Variants in NAA35 observed in about 807,000 individuals in gnomAD.
NAA35 encodes the protein N-alpha-acetyltransferase 35, NatC auxiliary subunit.
NAA35 carries 18 observed loss-of-function variants against 101.7 expected under a neutral mutation model. That is an observed-to-expected ratio of 0.18 (90% CI 0.12 to 0.26). The LOEUF is 0.26. Among genes scored for constraint, NAA35 ranks in the 10% least tolerant of loss-of-function variants. The pLI is 1.00. For synonymous variants in NAA35, 267 were observed against 273.1 expected, an observed-to-expected ratio of 0.98 and a Z score of 0.22; for missense variants, 601 against 886.8, an observed-to-expected ratio of 0.68 and a Z score of 4.09.
At chr9:86,003,665 A>C (rs145487613) in intron 13 of NAA35, 21 bp downstream of exon 13, 305 of 1,452,854 alleles carry the variant, frequency 2.1e-4, no homozygotes, top group Non-Finnish European at 2.7e-4. Context: ...CTTAGTATCA[A>C]AATACTTATT....
intron 13 of NAA35, among the ~76,000 whole-genome samples, chr9:86,006,824 T>C (rs1207385831): frequency 1.3e-5 from 2 of 152,114 alleles, no homozygotes; most frequent in Non-Finnish European, 2.9e-5. Context: ...TTAAAAACAG[T>C]CTTAGGAAAT....
At chr9:86,007,100 GTTTAT>G (rs1340580374) in intron 13 of NAA35, among the ~76,000 whole-genome samples, 1 of 152,050 alleles carries the variant, frequency 6.6e-6, no homozygotes, top group African/African-American at 2.4e-5. Context: ...AGATTAGTCA[GTTTAT>G]TTTGACTATT....
chr9:85,999,076 T>G (rs908244188), intron 12 of NAA35, among the ~76,000 whole-genome samples: 3 of 152,250 alleles, frequency 2.0e-5, no homozygotes, highest in African/African-American at 7.2e-5. Flanking sequence ...CTTTCACTGA[T>G]TATGCCTTTA....
At chr9:86,000,677 T>C (rs1285780141) in intron 12 of NAA35, among the ~76,000 whole-genome samples, 1 of 152,186 alleles carries the variant, frequency 6.6e-6, no homozygotes, top group Non-Finnish European at 1.5e-5. Flanking sequence ...TTTTCTAGTT[T>C]GTATGTGTAG....
chr9:86,001,618 T>C (rs1405825361), intron 12 of NAA35, among the ~76,000 whole-genome samples: 2 of 152,222 alleles, frequency 1.3e-5, no homozygotes, highest in Non-Finnish European at 2.9e-5. Flanking sequence ...TTTACCCTTA[T>C]GTAATACCCT....
intron 6 of NAA35, chr9:85,966,647 G>A (rs983308833): frequency 3.9e-6 from 5 of 1,297,210 alleles, no homozygotes; most frequent in Non-Finnish European, 5.1e-6. Flanking sequence ...TTTTAAAAAT[G>A]AAAATGTTCA....
intron 11 of NAA35, among the ~76,000 whole-genome samples, chr9:85,984,644 G>A (rs1021348203): frequency 6.6e-6 from 1 of 152,132 alleles, no homozygotes; most frequent in Non-Finnish European, 1.5e-5. Context: ...CAAAGCTATA[G>A]CAATGAAGAC....
chr9:85,975,067 T>C, intron 7 of NAA35, 34 bp downstream of exon 7: 1 of 1,611,776 alleles, frequency 6.2e-7, no homozygotes, highest in East Asian at 2.2e-5. Context: ...TCACAAGTTT[T>C]ACATTTTCAT....
intron 17 of NAA35, chr9:86,014,355 A>G (rs536967629): frequency 3.3e-5 from 32 of 981,596 alleles, no homozygotes; most frequent in Non-Finnish European, 3.8e-5. Flanking sequence ...TGGAGTTGAT[A>G]AAAGATGATC....
intron 21 of NAA35, among the ~76,000 whole-genome samples, chr9:86,020,635 C>T (rs1433586688): frequency 2.6e-5 from 4 of 152,084 alleles, no homozygotes; most frequent in South Asian, 2.1e-4. Flanking sequence ...CTTGAACCCA[C>T]GAGTTCAAGA....
intron 12 of NAA35, among the ~76,000 whole-genome samples, chr9:85,996,812 T>C (rs938460017): frequency 6.6e-6 from 1 of 152,242 alleles, no homozygotes. Context: ...TTTTACACTA[T>C]TTTAGAGATT....
rs1299158701 is a variant in NAA35 at position 86,017,459 on chromosome 9, A to G, written c.1706-39A>G. On this transcript the variant is annotated intron_variant, in intron 18 of 22. Transcript: ENST00000361671. Reference sequence around the variant, plus strand: ...TGCAGTAATGCAAGAGGGAGGAGGAAAAGATTATGGAAGATTACGTTTTTC... The same window carrying G: ...TGCAGTAATGCAAGAGGGAGGAGGAGAAGATTATGGAAGATTACGTTTTTC... 3 of 1,590,018 alleles carry G rather than the reference A, an allele frequency of 1.9e-6. No homozygotes were observed. The South Asian group carries it at 3.4e-5, about 18-fold the overall frequency.
intron 16 of NAA35, among the ~76,000 whole-genome samples, chr9:86,013,377 G>T (rs571493074): frequency 1.3e-5 from 2 of 152,050 alleles, no homozygotes; most frequent in Admixed American, 1.3e-4. Flanking sequence ...TATGAAATAT[G>T]TATAAAATGA....
chr9:85,977,907 T>A (rs927883590), intron 10 of NAA35, among the ~76,000 whole-genome samples: 1 of 152,128 alleles, frequency 6.6e-6, no homozygotes, highest in Non-Finnish European at 1.5e-5. Flanking sequence ...TACCACTAAT[T>A]TAATTTCTGT....
At chr9:85,956,306 A>G (rs532973324) in intron 2 of NAA35, 54 bp from the exon 3 acceptor site, 6 of 1,094,456 alleles carry the variant, frequency 5.5e-6, no homozygotes, top group Non-Finnish European at 7.8e-6. Flanking sequence ...TTTTTCTTAG[A>G]ATTAAAAGTT....
At chr9:85,987,537 T>C (rs567710847) in intron 11 of NAA35, among the ~76,000 whole-genome samples, 69 of 152,356 alleles carry the variant, frequency 4.5e-4, no homozygotes, top group Admixed American at 7.8e-4. Flanking sequence ...GTTTATTCTT[T>C]TAGTTCAAAA....
At position 86,024,821 on chromosome 9, in the gene NAA35, G is replaced by A. The variant is rs1477148249; in HGVS notation, c.*2861G>A. On this transcript the variant is annotated 3_prime_UTR_variant, in exon 23 of 23. Transcript: ENST00000361671. ...TGGCAGGTAGTTTGGTCTCAAACTG[G>A]GAGGTGCCATCTGGGGTGGAGATGA... is the stretch of plus-strand genomic sequence containing the variant. Among the ~76,000 whole-genome samples, 1 of 152,110 alleles carries A rather than the reference G, an allele frequency of 6.6e-6. No individual in the cohort carries two copies. The highest frequency in any genetic ancestry group is 1.5e-5 in the Non-Finnish European group (1 of 68,008).
intron 11 of NAA35, chr9:85,986,472 G>C (rs1479053404): frequency 2.1e-6 from 1 of 469,692 alleles, no homozygotes; most frequent in African/African-American, 2.0e-5. Flanking sequence ...CTCCTTTTCA[G>C]GTCTCTGACA....
chr9:86,009,670 T>A (rs1831812015), intron 14 of NAA35, among the ~76,000 whole-genome samples, 195 bp from the exon 15 acceptor site: 1 of 152,216 alleles, frequency 6.6e-6, no homozygotes, highest in African/African-American at 2.4e-5. Context: ...GAATTGGAAA[T>A]ATCACAGATT....
Sources: gnomAD v4.1 joint callset for allele counts (sites outside exome capture counted in the v4.1 genomes callset) on GRCh38, gnomAD v4.1.1 for gene constraint, MANE v1.5 for transcripts, NCBI Gene and HGNC (gene_info 2026-07-23, HGNC 2026-07-21) for gene names.